ASCL5: variants seen among roughly 807,000 people sequenced by gnomAD.
The protein encoded by ASCL5 is achaete-scute homolog 5.
For synonymous variants in ASCL5, 124 were observed against 131.5 expected, an observed-to-expected ratio of 0.94 and a Z score of 0.39; for missense variants, 262 against 268.9, an observed-to-expected ratio of 0.97 and a Z score of 0.18.
At chr1:201,123,328 C>A (rs1388290448) in intron 1 of ASCL5, among the ~76,000 whole-genome samples, 3 of 152,244 alleles carry the variant, frequency 2.0e-5, no homozygotes, top group Non-Finnish European at 4.4e-5. Context: ...TTCAAGGAAT[C>A]CTTCTGTGGG....
At chr1:201,121,117 C>T (rs964047874) in intron 1 of ASCL5, among the ~76,000 whole-genome samples, 3 of 152,312 alleles carry the variant, frequency 2.0e-5, no homozygotes, top group Admixed American at 6.5e-5. Flanking sequence ...CCCACATTAG[C>T]GTTGGCCCTT....
chr1:201,122,011 G>A (rs1016314601), intron 1 of ASCL5, among the ~76,000 whole-genome samples: 2 of 152,152 alleles, frequency 1.3e-5, no homozygotes, highest in African/African-American at 4.8e-5. Flanking sequence ...AATCTTGACG[G>A]GTATAGTTTC....
intron 1 of ASCL5, among the ~76,000 whole-genome samples, chr1:201,124,179 C>G (rs577371447): frequency 6.6e-6 from 1 of 152,332 alleles, no homozygotes; most frequent in African/African-American, 2.4e-5. Context: ...TCAGAATGAA[C>G]CAGGCGGTTC....
At position 201,115,373 on chromosome 1, in the gene ASCL5, G is replaced by A; in HGVS notation, c.-1C>T. On this transcript the variant is annotated 5_prime_UTR_variant, in exon 2 of 2. Transcript: ENST00000449188. Reference sequence around the variant, plus strand: ...GAGCCCGGCAGAAGTTATTGTTCATGGTGCCGCGTGGAGCTGGACCCAGAG... The same window carrying A: ...GAGCCCGGCAGAAGTTATTGTTCATAGTGCCGCGTGGAGCTGGACCCAGAG... The A allele has an allele frequency of 8.1e-7, 1 of 1,231,546 alleles. No individual in the cohort carries two copies. Among genetic ancestry groups the A allele is most frequent in the East Asian group, 3.2e-5 (1 of 31,678 alleles). 76.3% of individuals were successfully genotyped at this position (1,231,546 alleles called of 1,614,324 possible).
At chr1:201,119,665 A>C (rs1290814065) in intron 1 of ASCL5, among the ~76,000 whole-genome samples, 1 of 152,228 alleles carries the variant, frequency 6.6e-6, no homozygotes, top group African/African-American at 2.4e-5. Flanking sequence ...GTACACATAC[A>C]TAAAATATGT....
At chr1:201,126,546 C>G (rs904970011) in intron 1 of ASCL5, among the ~76,000 whole-genome samples, 4 of 152,178 alleles carry the variant, frequency 2.6e-5, no homozygotes, top group Admixed American at 2.0e-4. Flanking sequence ...TATTCTATGC[C>G]AAGTACTAGT....
Position 201,115,139 on chromosome 1 carries a change from G to A in ASCL5, c.234C>T (p.Tyr78=). The stretch of plus-strand genomic sequence containing the variant: ...TCTGGATGAAGGCTGGCTCGAAGGG[G>A]TATTCGTAGACCCCGAAGGCGCCGG... ...PFPGAFGVYE[Y]PFEPAFIQKR... Residue 78 remains tyrosine (Y), a synonymous_variant, in exon 2 of 2, where the codon TAC becomes TAT. Coordinates refer to ENST00000449188, the MANE Select transcript of ASCL5 (RefSeq NM_001270601.2). 8.1e-7 allele frequency: 1 copy of A among 1,231,766 alleles called. No individual in the cohort carries two copies. The highest frequency in any genetic ancestry group is 1.0e-6 in the Non-Finnish European group (1 of 987,998). The allele number at this position is 1,231,766 out of a possible 1,614,324, so 76.3% of individuals were successfully genotyped here.
In ASCL5 at chr1:201,124,881, C is replaced by T. The variant is rs180671273; in HGVS notation, c.-506+2203G>A. Among the ~76,000 whole-genome samples the T allele has an allele frequency of 1.7e-3, 266 of 152,304 alleles. 1 individual carries two copies. The highest frequency in any genetic ancestry group is 0.01 in the Middle Eastern group (3 of 294). ...CCTGTGGCCAGGGTAGACCATGGCC[C>T]TGGTTCTCCACTGCCCCCACCCCAG... On this transcript the variant is annotated intron_variant, in intron 1 of 1. Transcript: ENST00000449188.
Position 201,114,591 on chromosome 1 carries a change from T to A in ASCL5, c.*161A>T. 1.8e-6 allele frequency: 1 copy of A among 569,116 alleles called. No homozygotes were observed. The highest frequency in any genetic ancestry group is 2.6e-6 in the Non-Finnish European group (1 of 386,086). The allele number at this position is 569,116 out of a possible 1,614,324, so 35.3% of individuals were successfully genotyped here. Reference sequence around the variant, plus strand: ...GCTGCCCTGCACTTCCGCCCCAAGCTGGTGGAGGAGGGAGGGTGTCGCAGA... The same window carrying A: ...GCTGCCCTGCACTTCCGCCCCAAGCAGGTGGAGGAGGGAGGGTGTCGCAGA... On this transcript the variant is annotated 3_prime_UTR_variant, in exon 2 of 2. Coordinates refer to ENST00000449188, the MANE Select transcript of ASCL5 (RefSeq NM_001270601.2).
Position 201,115,045 on chromosome 1 carries a change from G to T in ASCL5, c.328C>A (p.Leu110Ile). ...NEGYARLRGHLPGALAEKRLS... is the reference protein window; with the variant it reads ...NEGYARLRGHIPGALAEKRLS... ...CGCTTCTCAGCCAGGGCGCCGGGGAGGTGGCCGCGGAGGCGAGCGTAGCCC... is the reference window on the plus strand; with the variant it reads ...CGCTTCTCAGCCAGGGCGCCGGGGATGTGGCCGCGGAGGCGAGCGTAGCCC... The change falls in exon 2 of 2, where the codon CTC becomes ATC. Residue 110 changes from leucine (L) to isoleucine (I), a missense_variant. By Grantham distance (5) the Leu-to-Ile change is conservative (BLOSUM62 2). Transcript: ENST00000449188. 8.1e-7 allele frequency: 1 copy of T among 1,232,070 alleles called. No individual in the cohort carries two copies. The highest frequency in any genetic ancestry group is 1.0e-6 in the Non-Finnish European group (1 of 988,282). 76.3% of individuals were successfully genotyped at this position (1,232,070 alleles called of 1,614,324 possible). A position where few individuals can be genotyped will look rare whatever the true frequency, so the allele number is the denominator to read the frequency against.
In ASCL5 at chr1:201,115,645, C is replaced by G. The variant is rs1416588533; in HGVS notation, c.-273G>C. On this transcript the variant is annotated 5_prime_UTR_variant, in exon 2 of 2. Coordinates refer to ENST00000449188, the MANE Select transcript of ASCL5 (RefSeq NM_001270601.2). Reference sequence around the variant, plus strand: ...CCGCGGAACTCTGAGGGCCCGCACCCCGTTCCGCAGCACCCATGGGCATGG... The same window carrying G: ...CCGCGGAACTCTGAGGGCCCGCACCGCGTTCCGCAGCACCCATGGGCATGG... 1.4e-5 allele frequency: 4 copies of G among 278,260 alleles called. No individual in the cohort carries two copies. Among genetic ancestry groups the G allele is most frequent in the Non-Finnish European group, 2.7e-5 (4 of 150,314 alleles). The allele number at this position is 278,260 out of a possible 1,614,324, so 17.2% of individuals were successfully genotyped here. A position where few individuals can be genotyped will look rare whatever the true frequency, so the allele number is the denominator to read the frequency against.
intron 1 of ASCL5, among the ~76,000 whole-genome samples, chr1:201,118,272 G>A (rs1332542516): frequency 6.6e-6 from 1 of 152,152 alleles, no homozygotes; most frequent in African/African-American, 2.4e-5. Flanking sequence ...TTGAGCCCAG[G>A]AGTTTGAGAC....
At chr1:201,121,786 G>A (rs1397518886) in intron 1 of ASCL5, among the ~76,000 whole-genome samples, 1 of 151,682 alleles carries the variant, frequency 6.6e-6, no homozygotes, top group African/African-American at 2.4e-5. Context: ...AGCTGTGATT[G>A]CAGCACTGCA....
chr1:201,126,837 C>A (rs534200677), intron 1 of ASCL5, among the ~76,000 whole-genome samples: 2 of 152,234 alleles, frequency 1.3e-5, no homozygotes, highest in Non-Finnish European at 2.9e-5. Flanking sequence ...GGAAAATGCC[C>A]GCTCAGTGGC....
At position 201,114,890 on chromosome 1, in the gene ASCL5, G is replaced by T; in HGVS notation, c.483C>A (p.Pro161=). ...SRGLPGTGPC[P]APPATPRPDR... ...CGGGACGGGGGGTGGCGGGCGGCGC[G>T]GGGCAGGGCCCGGTGCCCGGGAGGC... is the stretch of plus-strand genomic sequence containing the variant. The change falls in exon 2 of 2, where the codon CCC becomes CCA. Residue 161 remains proline (P), a synonymous_variant. Transcript: ENST00000449188. The T allele has an allele frequency of 8.1e-7, 1 of 1,229,212 alleles. No homozygotes were observed. The highest frequency in any genetic ancestry group is 1.0e-6 in the Non-Finnish European group (1 of 986,308). The allele number at this position is 1,229,212 out of a possible 1,614,324, so 76.1% of individuals were successfully genotyped here.
Position 201,115,413 on chromosome 1 carries a change from A to T in ASCL5, c.-41T>A, listed in dbSNP as rs896287609. The T allele has an allele frequency of 1.6e-6, 2 of 1,230,968 alleles. No individual in the cohort carries two copies. The highest frequency in any genetic ancestry group is 2.0e-6 in the Non-Finnish European group (2 of 987,392). The allele number at this position is 1,230,968 out of a possible 1,614,324, so 76.3% of individuals were successfully genotyped here. ...TGGACCCAGAGCGAGGCCTCCACCG[A>T]ATGGCCCCGGCTTGGGGTCTGCACC... On this transcript the variant is annotated 5_prime_UTR_variant, in exon 2 of 2. Coordinates refer to ENST00000449188, the MANE Select transcript of ASCL5 (RefSeq NM_001270601.2).
At chr1:201,117,998 G>T (rs1055998622) in intron 1 of ASCL5, among the ~76,000 whole-genome samples, 3 of 152,242 alleles carry the variant, frequency 2.0e-5, no homozygotes, top group Admixed American at 2.0e-4. Flanking sequence ...ATAGGGGTCA[G>T]AAGTTTATGA....
chr1:201,114,885 G>A lies in ASCL5; in HGVS notation c.488C>T (p.Pro163Leu). The change falls in exon 2 of 2, where the codon CCG (proline) becomes CTG (leucine). Residue 163 changes from proline to leucine, a missense_variant. Pro to Leu is a moderately conservative substitution (Grantham distance 98, BLOSUM62 -3). Coordinates refer to ENST00000449188, the MANE Select transcript of ASCL5 (RefSeq NM_001270601.2). ...GCGGTCGGGACGGGGGGTGGCGGGC[G>A]GCGCGGGGCAGGGCCCGGTGCCCGG... ...GLPGTGPCPA[P>L]PATPRPDRPG... is the part of the protein sequence containing the mutation. 1 of 1,228,832 alleles carries A rather than the reference G, an allele frequency of 8.1e-7. No homozygotes were observed. Among genetic ancestry groups the A allele is most frequent in the Non-Finnish European group, 1.0e-6 (1 of 986,076 alleles). The allele number at this position is 1,228,832 out of a possible 1,614,324, so 76.1% of individuals were successfully genotyped here.
intron 1 of ASCL5, among the ~76,000 whole-genome samples, chr1:201,123,277 C>T (rs992080311): frequency 6.6e-6 from 1 of 152,164 alleles, no homozygotes; most frequent in African/African-American, 2.4e-5. Flanking sequence ...TGTGTTCTAT[C>T]GCCTGTCAAT....
Sources: allele counts gnomAD v4.1 joint callset (sites outside exome capture counted in the v4.1 genomes callset), GRCh38; gene constraint gnomAD v4.1.1; transcripts MANE v1.5; gene names NCBI Gene and HGNC (gene_info 2026-07-23, HGNC 2026-07-21).